The following SYT11 variants were observed in gnomAD, a reference collection of about 807,000 sequenced individuals.
SYT11 encodes synaptotagmin 11.
In SYT11, 12 loss-of-function variants were observed where a neutral mutation model predicts 30.4. That is an observed-to-expected ratio of 0.39 (90% CI 0.25 to 0.64). SYT11 has a LOEUF of 0.64. SYT11 is among the 30% of genes least tolerant of loss of function. The pLI, the probability that SYT11 is intolerant of heterozygous loss-of-function variation, is 0.45. For missense variants in SYT11, 412 were observed against 552.0 expected, an observed-to-expected ratio of 0.75 and a Z score of 2.54; for synonymous variants, 204 against 216.0, an observed-to-expected ratio of 0.94 and a Z score of 0.49.
In SYT11 at chr1:155,868,643, A is replaced by G; in HGVS notation, c.713A>G (p.Gln238Arg). Residue 238 changes from glutamine (Q) to arginine (R), a missense_variant, in exon 2 of 4, where the codon CAG becomes CGG. Physicochemically the swap from Gln to Arg is conservative, Grantham distance 43. Coordinates refer to ENST00000368324, the MANE Select transcript of SYT11 (RefSeq NM_152280.5). This position sits in a 1 kb window ranked among gnomAD's most constrained non-coding sequence, Gnocchi z 4.7. The stretch of plus-strand genomic sequence containing the variant: ...TATGGCATCCCCTACAGCCAGCTGC[A>G]GGACCTGGTGCTGCACTTCCTTGTC... ...TFYGIPYSQLQDLVLHFLVLS... is the reference protein window; with the variant it reads ...TFYGIPYSQLRDLVLHFLVLS... The G allele has an allele frequency of 6.2e-7, 1 of 1,614,204 alleles. No homozygotes were observed. The highest frequency in any genetic ancestry group is 8.5e-7 in the Non-Finnish European group (1 of 1,180,042).
At chr1:155,872,200 G>A (rs1420929161) in intron 2 of SYT11, among the ~76,000 whole-genome samples, 2 of 152,226 alleles carry the variant, frequency 1.3e-5, no homozygotes, top group African/African-American at 4.8e-5. Flanking sequence ...GTTGCAGTGA[G>A]CTATTACCAC....
At chr1:155,865,226 G>A (rs1342710395) in intron 1 of SYT11, among the ~76,000 whole-genome samples, 2 of 152,178 alleles carry the variant, frequency 1.3e-5, no homozygotes, top group African/African-American at 2.4e-5. Flanking sequence ...TTAAGGAAGG[G>A]TGATGGGGAC....
Position 155,868,036 on chromosome 1 carries a change from G to A in SYT11, c.106G>A (p.Val36Ile), listed in dbSNP as rs750379081. ...GGTGTGTGTCTCGGTGACCGTCTTT[G>A]TCTGGTCATGCTGCCACCAGCAGGC... ...LVVCVSVTVF[V>I]WSCCHQQAEK... The change falls in exon 2 of 4, where the codon GTC (valine) becomes ATC (isoleucine). Residue 36 changes from valine to isoleucine, a missense_variant. Coordinates refer to ENST00000368324, the MANE Select transcript of SYT11 (RefSeq NM_152280.5). This position sits in a 1 kb window ranked among gnomAD's most constrained non-coding sequence, Gnocchi z 4.7. The A allele has an allele frequency of 9.9e-6, 16 of 1,613,424 alleles. No homozygotes were observed. The highest frequency in any genetic ancestry group is 1.3e-5 in the Non-Finnish European group (15 of 1,179,850).
In SYT11 at chr1:155,868,691, G is replaced by A. The variant is rs748972934; in HGVS notation, c.761G>A (p.Arg254Gln). 21 of 1,614,044 alleles carry A rather than the reference G, an allele frequency of 1.3e-5. No individual in the cohort carries two copies. The highest frequency in any genetic ancestry group is 7.7e-5 in the South Asian group (7 of 91,090). Reference sequence around the variant, plus strand: ...GTCCTCAGCTTTGACCGCTTCTCTCGGGATGATGTCATTGGCGAGGTCATG... The same window carrying A: ...GTCCTCAGCTTTGACCGCTTCTCTCAGGATGATGTCATTGGCGAGGTCATG... ...FLVLSFDRFS[R>Q]DDVIGEVMVP... Residue 254 changes from arginine (R) to glutamine (Q), a missense_variant, in exon 2 of 4, where the codon CGG (arginine) becomes CAG (glutamine). Coordinates refer to ENST00000368324, the MANE Select transcript of SYT11 (RefSeq NM_152280.5). This position sits in a 1 kb window ranked among gnomAD's most constrained non-coding sequence, Gnocchi z 4.7.
Position 155,863,628 on chromosome 1 carries a change from A to T in SYT11, c.34+3833A>T, listed in dbSNP as rs546071570. On this transcript the variant is annotated intron_variant, in intron 1 of 3. Transcript: ENST00000368324. Reference sequence around the variant, plus strand: ...TAGTGAAGACTCATCTCTAAAAAAAATTTAAAAATTAGCTGGGCATGGTGG... The same window carrying T: ...TAGTGAAGACTCATCTCTAAAAAAATTTTAAAAATTAGCTGGGCATGGTGG... 4.6e-5 allele frequency among the ~76,000 whole-genome samples: 7 copies of T among 152,212 alleles called. No individual in the cohort carries two copies. In the South Asian group the frequency reaches 1.0e-3, roughly 23 times the overall value.
chr1:155,871,962 C>T (rs1672787259), intron 2 of SYT11, among the ~76,000 whole-genome samples: 1 of 152,080 alleles, frequency 6.6e-6, no homozygotes, highest in Non-Finnish European at 1.5e-5. Flanking sequence ...CTAGAGCTGC[C>T]CTGGACCATG....
rs1296619712 is a variant in SYT11 at position 155,882,209 on chromosome 1, T to C, written c.*701T>C. 1 of 152,336 alleles carries C rather than the reference T, an allele frequency of 6.6e-6. No homozygotes were observed. Among genetic ancestry groups the C allele is most frequent in the Non-Finnish European group, 1.5e-5 (1 of 68,036 alleles). The allele number at this position is 152,336 out of a possible 1,614,324, so 9.4% of individuals were successfully genotyped here. A position where few individuals can be genotyped will look rare whatever the true frequency, so the allele number is the denominator to read the frequency against. ...CATGGAAATTGTGTTTTGTGCTGAA[T>C]TGTATTTGCTGATTACCTGAAATTG... On this transcript the variant is annotated 3_prime_UTR_variant, in exon 4 of 4. Transcript: ENST00000368324.
In SYT11 at chr1:155,868,070, A is replaced by C. The variant is rs749558009; in HGVS notation, c.140A>C (p.Lys47Thr). Residue 47 changes from lysine to threonine, a missense_variant, in exon 2 of 4, where the codon AAG becomes ACG. Lys to Thr is a moderately conservative substitution (Grantham distance 78). Coordinates refer to ENST00000368324, the MANE Select transcript of SYT11 (RefSeq NM_152280.5). This position sits in a 1 kb window ranked among gnomAD's most constrained non-coding sequence, Gnocchi z 4.7. ...TGCTGCCACCAGCAGGCAGAGAAGA[A>C]GCAGAAGAACCCACCATACAAGTTT... Reference protein sequence around the residue: ...WSCCHQQAEKKQKNPPYKFIH... With the variant: ...WSCCHQQAEKTQKNPPYKFIH... 1.9e-6 allele frequency: 3 copies of C among 1,614,026 alleles called. No individual in the cohort carries two copies. In the Admixed American group the frequency reaches 5.0e-5, roughly 27 times the overall value.
chr1:155,860,645 G>A lies in SYT11; in HGVS notation c.34+850G>A, dbSNP rs913618966. On this transcript the variant is annotated intron_variant, in intron 1 of 3. Transcript: ENST00000368324. The surrounding 1 kb of genome is among the most constrained non-coding windows in gnomAD (Gnocchi z 4.1). ...GCGAAAGAGGCCCAGCCCGGGGGAGGCCGCTTTGTGTACCGCAGAAAGCAT... is the reference window on the plus strand; with the variant it reads ...GCGAAAGAGGCCCAGCCCGGGGGAGACCGCTTTGTGTACCGCAGAAAGCAT... Among the ~76,000 whole-genome samples the A allele has an allele frequency of 2.0e-5, 3 of 152,218 alleles. No individual in the cohort carries two copies. The highest frequency in any genetic ancestry group is 4.4e-5 in the Non-Finnish European group (3 of 68,044).
rs1259493026 is a variant in SYT11, at chr1:155,868,458, G to A, written c.528G>A (p.Val176=). 1 of 1,614,056 alleles carries A rather than the reference G, an allele frequency of 6.2e-7. No individual in the cohort carries two copies. The highest frequency in any genetic ancestry group is 1.3e-5 in the African/African-American group (1 of 74,922). ...DYNFPKKALV[V]TIQEAHGLPV... ...ACTTCCCGAAAAAAGCCCTGGTGGT[G>A]ACAATCCAGGAGGCCCATGGGCTGC... Residue 176 remains valine (V), a synonymous_variant, in exon 2 of 4, where the codon GTG becomes GTA. Coordinates refer to ENST00000368324, the MANE Select transcript of SYT11 (RefSeq NM_152280.5). The surrounding 1 kb of genome is among the most constrained non-coding windows in gnomAD (Gnocchi z 4.7).
In SYT11 at chr1:155,868,106, T is replaced by C; in HGVS notation, c.176T>C (p.Leu59Pro). The change falls in exon 2 of 4, where the codon CTC (leucine) becomes CCC (proline). Residue 59 changes from leucine to proline, a missense_variant. Coordinates refer to ENST00000368324, the MANE Select transcript of SYT11 (RefSeq NM_152280.5). This position sits in a 1 kb window ranked among gnomAD's most constrained non-coding sequence, Gnocchi z 4.7. ...CCACCATACAAGTTTATTCACATGCTCAAAGGCATCAGCATATACCCAGAG... is the reference window on the plus strand; with the variant it reads ...CCACCATACAAGTTTATTCACATGCCCAAAGGCATCAGCATATACCCAGAG... ...KNPPYKFIHM[L>P]KGISIYPETL... is the part of the protein sequence containing the mutation. 2 of 1,613,860 alleles carry C rather than the reference T, an allele frequency of 1.2e-6. No individual in the cohort carries two copies. The highest frequency in any genetic ancestry group is 1.7e-6 in the Non-Finnish European group (2 of 1,179,970).
chr1:155,868,715 T>C lies in SYT11; in HGVS notation c.785T>C (p.Met262Thr), dbSNP rs1672731626. Residue 262 changes from methionine (M) to threonine (T), a missense_variant, in exon 2 of 4, where the codon ATG becomes ACG. Coordinates refer to ENST00000368324, the MANE Select transcript of SYT11 (RefSeq NM_152280.5). This position sits in a 1 kb window ranked among gnomAD's most constrained non-coding sequence, Gnocchi z 4.7. Reference sequence around the variant, plus strand: ...CGGGATGATGTCATTGGCGAGGTCATGGTGCCACTGGCAGGGGTGGACCCC... The same window carrying C: ...CGGGATGATGTCATTGGCGAGGTCACGGTGCCACTGGCAGGGGTGGACCCC... The part of the protein sequence containing the change: ...FSRDDVIGEV[M>T]VPLAGVDPST... 2 of 1,614,072 alleles carry C rather than the reference T, an allele frequency of 1.2e-6. No individual in the cohort carries two copies. The highest frequency in any genetic ancestry group is 1.7e-6 in the Non-Finnish European group (2 of 1,180,056).
chr1:155,866,408 C>T (rs1305216000), intron 1 of SYT11, among the ~76,000 whole-genome samples: 1 of 152,216 alleles, frequency 6.6e-6, no homozygotes. Context: ...TGAGCCGCCA[C>T]ACCCGGCCTA....
chr1:155,867,996 G>A lies in SYT11; in HGVS notation c.66G>A (p.Gly22=). Residue 22 remains glycine (G), a synonymous_variant, in exon 2 of 4, where the codon GGG becomes GGA. Transcript: ENST00000368324. ...DVSPVVAGLI[G]ASVLVVCVSV... The stretch of plus-strand genomic sequence containing the variant: ...CACCGGTGGTGGCCGGCCTCATCGG[G>A]GCCTCTGTGCTGGTGGTGTGTGTCT... 1 of 1,611,794 alleles carries A rather than the reference G, an allele frequency of 6.2e-7. No homozygotes were observed. Among genetic ancestry groups the A allele is most frequent in the Admixed American group, 1.7e-5 (1 of 59,720 alleles).
intron 1 of SYT11, among the ~76,000 whole-genome samples, chr1:155,867,171 C>T (rs1347306284): frequency 6.6e-6 from 1 of 152,036 alleles, no homozygotes; most frequent in South Asian, 2.1e-4. Flanking sequence ...GATTCTCCTG[C>T]ATCAGCCTCC....
Position 155,881,217 on chromosome 1 carries a change from C to G in SYT11, c.1005C>G (p.Asn335Lys). 1 of 1,613,486 alleles carries G rather than the reference C, an allele frequency of 6.2e-7. No homozygotes were observed. Among genetic ancestry groups the G allele is most frequent in the Non-Finnish European group, 8.5e-7 (1 of 1,179,612 alleles). The change falls in exon 4 of 4, where the codon AAC (asparagine) becomes AAG (lysine). Residue 335 changes from asparagine (N) to lysine (K), a missense_variant. Physicochemically the swap from Asn to Lys is moderately conservative, Grantham distance 94. Coordinates refer to ENST00000368324, the MANE Select transcript of SYT11 (RefSeq NM_152280.5). ...CCCCAGATCCTTATGTCAAGGTGAA[C>G]GTCTACTACGGCAGAAAGCGCATTG... Reference protein sequence around the residue: ...GLSGNPYVKVNVYYGRKRIAK... With the variant: ...GLSGNPYVKVKVYYGRKRIAK...
intron 2 of SYT11, among the ~76,000 whole-genome samples, chr1:155,876,704 A>G (rs569447088): frequency 3.3e-5 from 5 of 152,138 alleles, no homozygotes; most frequent in African/African-American, 1.2e-4. Context: ...CCTGAGACAT[A>G]TTTTACCTCC....
chr1:155,870,764 T>G (rs1036262215), intron 2 of SYT11, among the ~76,000 whole-genome samples: 10 of 152,032 alleles, frequency 6.6e-5, no homozygotes, highest in Non-Finnish European at 1.3e-4. Context: ...GGAGCACACT[T>G]TGTGTGTGTG....
At chr1:155,874,217 T>C (rs1672824269) in intron 2 of SYT11, among the ~76,000 whole-genome samples, 1 of 152,086 alleles carries the variant, frequency 6.6e-6, no homozygotes, top group Admixed American at 6.6e-5. Context: ...GGGGTTACCG[T>C]GAGCTGAGAT....
Sources: allele counts gnomAD v4.1 joint callset (sites outside exome capture counted in the v4.1 genomes callset), GRCh38; gene constraint gnomAD v4.1.1; non-coding constraint Gnocchi (gnomAD v3.1); transcripts MANE v1.5; gene names NCBI Gene and HGNC (gene_info 2026-07-23, HGNC 2026-07-21).